The following GZMB variants were observed in gnomAD, a reference collection of about 807,000 sequenced individuals.
GZMB encodes T-cell serine protease 1-3E.
A neutral mutation model predicts 24.2 loss-of-function variants in GZMB; 27 were observed. The ratio of observed to expected loss-of-function variants is 1.12; its 90% CI spans 0.82 to 1.54. GZMB has a LOEUF of 1.54. Among genes scored for constraint, GZMB ranks in the 40% most tolerant of loss-of-function variants. The pLI is 0.00. For synonymous variants in GZMB, 121 were observed against 115.1 expected (o/e 1.05, Z -0.33); for missense variants, 336 against 310.1 (o/e 1.08, Z -0.63).
intron 4 of GZMB, chr14:24,631,637 A>G: frequency 1.7e-6 from 1 of 592,032 alleles, no homozygotes; most frequent in Non-Finnish European, 3.0e-6. Context: ...AGTGTTGCAA[A>G]TTCATCCTTC....
chr14:24,631,265 C>T lies in GZMB; in HGVS notation c.601-51G>A, dbSNP rs1043988470. Reference sequence around the variant, plus strand: ...AGCTGATGCTCCTCCGGGTCCTGCCCTCTCTTCCATCTCAAGCCCCCTTTT... The same window carrying T: ...AGCTGATGCTCCTCCGGGTCCTGCCTTCTCTTCCATCTCAAGCCCCCTTTT... On this transcript the variant is annotated intron_variant, in intron 4 of 4. Transcript: ENST00000216341. The T allele has an allele frequency of 2.6e-6, 4 of 1,546,630 alleles. 1 individual carries two copies. The highest frequency in any genetic ancestry group is 3.5e-5 in the Admixed American group (2 of 57,128).
intron 4 of GZMB, 37 bp from the exon 5 acceptor site, chr14:24,631,251 C>T (rs765237461): frequency 1.3e-5 from 21 of 1,589,812 alleles, no homozygotes; most frequent in Non-Finnish European, 1.0e-5. Flanking sequence ...GCTGATGCTC[C>T]TCCGGGTCCT....
In GZMB at chr14:24,633,857, A is replaced by T. The variant is rs2067019323; in HGVS notation, c.55+249T>A. The T allele has an allele frequency of 7.0e-6, 4 of 569,912 alleles. No homozygotes were observed. In the African/African-American group the frequency reaches 7.5e-5, roughly 11 times the overall value. The allele number at this position is 569,912 out of a possible 1,614,324, so 35.3% of individuals were successfully genotyped here. On this transcript the variant is annotated intron_variant, in intron 1 of 4. Coordinates refer to ENST00000216341, the MANE Select transcript of GZMB (RefSeq NM_004131.6). ...ATCCTCTGCCATTTACTTCTAGGAA[A>T]GTCCTACTCTCCAGGTGACAAAGGT... is the stretch of plus-strand genomic sequence containing the variant.
At chr14:24,633,311 C>T (rs1023817414) in intron 1 of GZMB, 1 of 985,146 alleles carries the variant, frequency 1.0e-6, no homozygotes, top group African/African-American at 1.7e-5. Flanking sequence ...ATCCCAGAGG[C>T]TCCTGATCAT....
intron 1 of GZMB, 126 bp from the exon 2 acceptor site, chr14:24,633,188 G>A: frequency 2.7e-6 from 4 of 1,460,758 alleles, no homozygotes; most frequent in South Asian, 1.6e-5. Flanking sequence ...GTGGCCTGGA[G>A]GAAGGGGCTT....
rs185979723 is a variant in GZMB, at chr14:24,631,142, T to G, written c.673A>C (p.Met225Leu). The G allele has an allele frequency of 1.2e-6, 2 of 1,612,298 alleles. No individual in the cohort carries two copies. Among genetic ancestry groups the G allele is most frequent in the Non-Finnish European group, 1.7e-6 (2 of 1,178,484 alleles). Residue 225 changes from methionine (M) to leucine (L), a missense_variant, in exon 5 of 5, where the codon ATG (methionine) becomes CTG (leucine). Physicochemically the swap from Met to Leu is conservative, Grantham distance 15. Transcript: ENST00000216341. ...ACTTTGGTGCAGGCTCGTGGAGGCATGCCATTGTTTCGTCCATAGGAGACA... is the reference window on the plus strand; with the variant it reads ...ACTTTGGTGCAGGCTCGTGGAGGCAGGCCATTGTTTCGTCCATAGGAGACA... Reference protein sequence around the residue: ...GIVSYGRNNGMPPRACTKVSS... With the variant: ...GIVSYGRNNGLPPRACTKVSS...
Position 24,632,927 on chromosome 14 carries a change from TGAGCAGCTGTCAGCAC to T in GZMB, c.175_190del (p.Val59ThrfsTer7). On this transcript the variant is annotated frameshift_variant, in exon 2 of 5. Transcript: ENST00000216341. LOFTEE classifies it high-confidence loss of function. The stretch of plus-strand genomic sequence containing the variant: ...TTCTGCTCCTCACCTTCCCCAACAG[TGAGCAGCTGTCAGCAC>T]GAAGTCGTCTCGTATCAGGAAGCCA... 1 of 1,612,214 alleles carries T rather than the reference TGAGCAGCTGTCAGCAC, an allele frequency of 6.2e-7. No homozygotes were observed. Among genetic ancestry groups the T allele is most frequent in the South Asian group, 1.1e-5 (1 of 90,766 alleles).
intron 1 of GZMB, chr14:24,633,290 G>A: frequency 1.0e-6 from 1 of 985,134 alleles, no homozygotes. Context: ...ACCTGTCTTA[G>A]GGACAGTGAA....
chr14:24,632,269 G>T (rs45442494), intron 3 of GZMB, 55 bp downstream of exon 3: 141,281 of 1,279,438 alleles, frequency 0.11, 18,344 homozygotes, highest in African/African-American at 0.26. Flanking sequence ...GGCATTCCAG[G>T]GGGAGTGGAA....
In GZMB at chr14:24,632,078, AGG is replaced by A; in HGVS notation, c.378_379del (p.Leu127GlnfsTer4). On this transcript the variant is annotated frameshift_variant, in exon 4 of 5. Coordinates refer to ENST00000216341, the MANE Select transcript of GZMB (RefSeq NM_004131.6). LOFTEE classifies it high-confidence loss of function. ...CTGGGCCTTGTTGCTAGGTAGCCTG[AGG>A]GGCTGCACAGCTCTGGTCCGCTTGG... 2 of 1,614,124 alleles carry A rather than the reference AGG, an allele frequency of 1.2e-6. No homozygotes were observed. Among genetic ancestry groups the A allele is most frequent in the Non-Finnish European group, 1.7e-6 (2 of 1,179,990 alleles).
Position 24,632,972 on chromosome 14 carries a change from C to T in GZMB, c.146G>A (p.Cys49Tyr), listed in dbSNP as rs200381701. The T allele has an allele frequency of 6.2e-7, 1 of 1,613,994 alleles. No individual in the cohort carries two copies. The highest frequency in any genetic ancestry group is 8.5e-7 in the Non-Finnish European group (1 of 1,179,932). ...MIWDQKSLKR[C>Y]GGFLIRDDFV... The stretch of plus-strand genomic sequence containing the variant: ...GTCGTCTCGTATCAGGAAGCCACCG[C>T]ACCTCTTCAGAGACTTCTGATCCCA... The change falls in exon 2 of 5, where the codon TGC becomes TAC. Residue 49 changes from cysteine to tyrosine, a missense_variant. Coordinates refer to ENST00000216341, the MANE Select transcript of GZMB (RefSeq NM_004131.6).
intron 4 of GZMB, chr14:24,631,528 T>C: frequency 1.8e-6 from 1 of 543,198 alleles, no homozygotes; most frequent in Non-Finnish European, 3.3e-6. Context: ...ACCAGCCCAT[T>C]AACCACGTTG....
At chr14:24,633,358 CA>C in intron 1 of GZMB, 1 of 966,840 alleles carries the variant, frequency 1.0e-6, no homozygotes, top group Non-Finnish European at 1.2e-6. Flanking sequence ...GGTGAGTTTC[CA>C]AGACCCTTAT....
At position 24,631,717 on chromosome 14, in the gene GZMB, C is replaced by G. The variant is rs1473984920; in HGVS notation, c.600+141G>C. On this transcript the variant is annotated intron_variant, in intron 4 of 4. Transcript: ENST00000216341. ...GGCCCTAATTTCTCCCCAGCTCAGTCTAGTCCCCTCTTCTCTTTCCAGAGA... is the reference window on the plus strand; with the variant it reads ...GGCCCTAATTTCTCCCCAGCTCAGTGTAGTCCCCTCTTCTCTTTCCAGAGA... 4.0e-6 allele frequency: 3 copies of G among 755,676 alleles called. No homozygotes were observed. In the East Asian group the frequency reaches 7.4e-5, roughly 19 times the overall value. 46.8% of individuals were successfully genotyped at this position (755,676 alleles called of 1,614,324 possible).
chr14:24,630,990 G>A lies in GZMB; in HGVS notation c.*81C>T. 9.5e-7 allele frequency: 1 copy of A among 1,055,352 alleles called. No individual in the cohort carries two copies. Among genetic ancestry groups the A allele is most frequent in the East Asian group, 2.4e-5 (1 of 42,180 alleles). 65.4% of individuals were successfully genotyped at this position (1,055,352 alleles called of 1,614,324 possible). ...GCTAAGAGGTATTTATTCAGTTGCT[G>A]GCACCTCTCCCAGTGTAAATCTGGA... On this transcript the variant is annotated 3_prime_UTR_variant, in exon 5 of 5. Coordinates refer to ENST00000216341, the MANE Select transcript of GZMB (RefSeq NM_004131.6).
intron 1 of GZMB, 26 bp downstream of exon 1, chr14:24,634,080 C>T (rs1426895575): frequency 1.3e-6 from 2 of 1,577,488 alleles, no homozygotes; most frequent in Non-Finnish European, 1.7e-6. Context: ...GGGGTTGGGC[C>T]CCCGAGGGTG....
Position 24,632,326 on chromosome 14 carries a change from G to T in GZMB, c.337C>A (p.Gln113Lys). 1 of 1,605,986 alleles carries T rather than the reference G, an allele frequency of 6.2e-7. No individual in the cohort carries two copies. Reference sequence around the variant, plus strand: ...AGAGTGGCAGGAGTGTGCCTCACCTGCAGTAGCATGATGTCGTTGGAGAAG... The same window carrying T: ...AGAGTGGCAGGAGTGTGCCTCACCTTCAGTAGCATGATGTCGTTGGAGAAG... ...KNFSNDIMLL[Q>K]LERKAKRTRA... The change falls in exon 3 of 5, where the codon CAG becomes AAG. Residue 113 changes from glutamine to lysine, a missense_variant and splice_region_variant. By Grantham distance (53) the Gln-to-Lys change is moderately conservative. Coordinates refer to ENST00000216341, the MANE Select transcript of GZMB (RefSeq NM_004131.6).
intron 1 of GZMB, among the ~76,000 whole-genome samples, chr14:24,633,564 G>A (rs1179737105): frequency 1.3e-5 from 2 of 152,174 alleles, no homozygotes; most frequent in Admixed American, 1.3e-4. Context: ...TGGAATTCTA[G>A]AAAGCAGGGA....
chr14:24,633,126 T>C (rs755193649), intron 1 of GZMB, 64 bp from the exon 2 acceptor site: 76 of 1,530,492 alleles, frequency 5.0e-5, no homozygotes, highest in Middle Eastern at 1.8e-4. Context: ...ACCTGCTTAG[T>C]GGCTCCAGAA....
Sources: allele counts gnomAD v4.1 joint callset (sites outside exome capture counted in the v4.1 genomes callset), GRCh38; gene constraint gnomAD v4.1.1; transcripts MANE v1.5; gene names NCBI Gene and HGNC (gene_info 2026-07-23, HGNC 2026-07-21).